Variants in CDK5RAP2 observed in about 807,000 individuals in gnomAD.
The protein encoded by CDK5RAP2 is CDK5 regulatory subunit associated protein 2.
A neutral mutation model predicts 232.9 loss-of-function variants in CDK5RAP2; 147 were observed. The ratio of observed to expected loss-of-function variants is 0.63; its 90% CI spans 0.55 to 0.72. The LOEUF (loss-of-function observed/expected upper bound fraction) is 0.72, where lower values mean the gene tolerates loss of function less well. Among genes scored for constraint, CDK5RAP2 ranks in the 30% least tolerant of loss-of-function variants. The probability of loss-of-function intolerance (pLI) is 0.00; values close to 1 mark genes in which losing one functional copy is unlikely to be tolerated. For synonymous variants in CDK5RAP2, 833 were observed against 833.7 expected, an observed-to-expected ratio of 1.00 and a Z score of 0.01; for missense variants, 2,195 against 2,231.5, an observed-to-expected ratio of 0.98 and a Z score of 0.33.
At chr9:120,512,565 T>C (rs2040145057) in intron 12 of CDK5RAP2, among the ~76,000 whole-genome samples, 2 of 152,358 alleles carry the variant, frequency 1.3e-5, no homozygotes, top group South Asian at 2.1e-4. Flanking sequence ...GAGAATGTAT[T>C]ATTCTGGTCT....
At chr9:120,550,950 G>A (rs760462727) in intron 3 of CDK5RAP2, 48 bp from the exon 4 acceptor site, 1 of 1,079,526 alleles carries the variant, frequency 9.3e-7, no homozygotes, top group Non-Finnish European at 1.4e-6. Context: ...AAAGACAGAG[G>A]GTCCAACAGA....
intron 25 of CDK5RAP2, among the ~76,000 whole-genome samples, chr9:120,426,900 C>A (rs2034938508): frequency 6.6e-6 from 1 of 152,318 alleles, no homozygotes; most frequent in African/African-American, 2.4e-5. Context: ...AGTGTTAATA[C>A]TGGTCAGCTG....
In CDK5RAP2 at chr9:120,446,473, G is replaced by A. The variant is rs1266883306; in HGVS notation, c.3025+1422C>T. Among the ~76,000 whole-genome samples the A allele has an allele frequency of 3.9e-5, 6 of 152,090 alleles. 1 individual carries two copies. Among genetic ancestry groups the A allele is most frequent in the Admixed American group, 1.3e-4 (2 of 15,266 alleles). On this transcript the variant is annotated intron_variant, in intron 22 of 37. Transcript: ENST00000349780. ...ACTCCTGACCTCAGGTGATCTGCCC[G>A]CCTTGGCCTCCCAAAGTGCTGGGAT...
At chr9:120,408,876 C>A (rs1329638660) in intron 30 of CDK5RAP2, among the ~76,000 whole-genome samples, 2 of 152,272 alleles carry the variant, frequency 1.3e-5, no homozygotes, top group African/African-American at 4.8e-5. Context: ...GCTCTCTGAG[C>A]AAATGGCATC....
At chr9:120,467,048 GTAGGGAATGAA>G (rs922652115) in intron 18 of CDK5RAP2, among the ~76,000 whole-genome samples, 9 of 152,220 alleles carry the variant, frequency 5.9e-5, no homozygotes, top group Non-Finnish European at 1.2e-4. Context: ...TCAGGCCACA[GTAGGGAATGAA>G]GAGGGAAACA....
At position 120,580,094 on chromosome 9, in the gene CDK5RAP2, C is replaced by G. The variant is rs571785840; in HGVS notation, c.-116G>C. 6 of 624,460 alleles carry G rather than the reference C, an allele frequency of 9.6e-6. No homozygotes were observed. Among genetic ancestry groups the G allele is most frequent in the Non-Finnish European group, 1.7e-5 (6 of 345,398 alleles). 38.7% of individuals were successfully genotyped at this position (624,460 alleles called of 1,614,324 possible). ...CGCCCCCTCCACCCCAGCTCTTGTT[C>G]AGACTCTGGCGGCGCCGCTGGAATT... On this transcript the variant is annotated 5_prime_UTR_variant, in exon 1 of 38. Transcript: ENST00000349780.
intron 14 of CDK5RAP2, among the ~76,000 whole-genome samples, chr9:120,482,481 T>A (rs1564281155): frequency 6.6e-6 from 1 of 152,160 alleles, no homozygotes; most frequent in Non-Finnish European, 1.5e-5. Flanking sequence ...GGAATGCCTA[T>A]CCCCTGAGAC....
At chr9:120,399,010 C>CACT in intron 35 of CDK5RAP2, among the ~76,000 whole-genome samples, 3 of 152,288 alleles carry the variant, frequency 2.0e-5, no homozygotes, top group Middle Eastern at 6.8e-3. Context: ...TTTAACACTA[C>CACT]ACAGGGGGTA....
intron 15 of CDK5RAP2, among the ~76,000 whole-genome samples, chr9:120,476,165 A>T (rs2037997833): frequency 6.6e-6 from 1 of 151,598 alleles, no homozygotes; most frequent in Non-Finnish European, 1.5e-5. Flanking sequence ...GGGAGAAATG[A>T]GGGGTGATTC....
At chr9:120,447,197 G>A (rs755113114) in intron 22 of CDK5RAP2, among the ~76,000 whole-genome samples, 1 of 152,170 alleles carries the variant, frequency 6.6e-6, no homozygotes, top group Non-Finnish European at 1.5e-5. Flanking sequence ...TGGATCATGA[G>A]CCCTGAGAAA....
chr9:120,416,622 T>A (rs1036670393), intron 27 of CDK5RAP2, among the ~76,000 whole-genome samples: 1 of 152,212 alleles, frequency 6.6e-6, no homozygotes, highest in African/African-American at 2.4e-5. Context: ...AAAATGAGCA[T>A]GTATTTGTTC....
intron 12 of CDK5RAP2, among the ~76,000 whole-genome samples, chr9:120,495,883 T>G (rs1588483955): frequency 6.9e-5 from 2 of 29,178 alleles, no homozygotes; most frequent in Non-Finnish European, 1.5e-4. Flanking sequence ...TACTGGGAAG[T>G]GAGGAGCCCC....
intron 19 of CDK5RAP2, among the ~76,000 whole-genome samples, chr9:120,459,557 A>ATT (rs2036968159): frequency 6.6e-6 from 1 of 152,220 alleles, no homozygotes; most frequent in Non-Finnish European, 1.5e-5. Context: ...GCAACCTCCA[A>ATT]AGAAGGAAAT....
At chr9:120,509,754 T>C (rs765653056) in intron 12 of CDK5RAP2, among the ~76,000 whole-genome samples, 3 of 152,220 alleles carry the variant, frequency 2.0e-5, no homozygotes, top group Admixed American at 6.5e-5. Context: ...ATCGCTATTA[T>C]TCTGATAAGA....
intron 35 of CDK5RAP2, among the ~76,000 whole-genome samples, chr9:120,395,624 A>G (rs1397704821): frequency 2.6e-5 from 4 of 152,274 alleles, no homozygotes; most frequent in Non-Finnish European, 4.4e-5. Flanking sequence ...TTCTGCTTCC[A>G]ACAGGAGAGC....
chr9:120,517,916 T>A, intron 12 of CDK5RAP2: 1 of 289,752 alleles, frequency 3.5e-6, no homozygotes, highest in Non-Finnish European at 7.0e-6. Flanking sequence ...AAAGAATCAG[T>A]GGATAAATAT....
intron 12 of CDK5RAP2, among the ~76,000 whole-genome samples, chr9:120,514,225 C>A (rs867168189): frequency 6.6e-6 from 1 of 152,220 alleles, no homozygotes; most frequent in South Asian, 2.1e-4. Context: ...GAGTCACTGG[C>A]ATGTTCACCT....
At chr9:120,427,666 T>C (rs57275696) in intron 25 of CDK5RAP2, among the ~76,000 whole-genome samples, 5,777 of 152,302 alleles carry the variant, frequency 0.038, 146 homozygotes, top group African/African-American at 0.064. Flanking sequence ...TCCTGGAGGA[T>C]AGGCAGAATT....
intron 25 of CDK5RAP2, 61 bp from the exon 26 acceptor site, chr9:120,422,802 T>A: frequency 1.6e-6 from 2 of 1,242,938 alleles, no homozygotes; most frequent in Non-Finnish European, 2.4e-6. Context: ...TGTTCCCTAA[T>A]AATTTCCTGC....
Sources: allele counts gnomAD v4.1 joint callset (sites outside exome capture counted in the v4.1 genomes callset), GRCh38; gene constraint gnomAD v4.1.1; transcripts MANE v1.5; gene names NCBI Gene and HGNC (gene_info 2026-07-23, HGNC 2026-07-21).